SH3KBP1: variants seen among roughly 807,000 people sequenced by gnomAD.
SH3KBP1 encodes SH3 domain-containing kinase-binding protein 1.
In SH3KBP1, 8 loss-of-function variants were observed where a neutral mutation model predicts 50.1. The ratio of observed to expected loss-of-function variants is 0.16; its 90% CI spans 0.09 to 0.29. The LOEUF is 0.29. SH3KBP1 is among the 10% of genes least tolerant of loss of function. The pLI is 1.00. For synonymous variants in SH3KBP1, 227 were observed against 218.6 expected (o/e 1.04, Z -0.34); for missense variants, 377 against 535.2 (o/e 0.70, Z 2.92).
chrX:19,656,881 T>A (rs1313501931), intron 6 of SH3KBP1, among the ~76,000 whole-genome samples: 3 of 112,229 alleles, frequency 2.7e-5, no homozygotes, highest in African/African-American at 9.7e-5. Flanking sequence ...AAAAGCATCT[T>A]TCTAATCTGA....
At chrX:19,844,673 T>A (rs754720936) in intron 1 of SH3KBP1, among the ~76,000 whole-genome samples, 44 of 111,918 alleles carry the variant, frequency 3.9e-4, no homozygotes, top group East Asian at 2.0e-3. Context: ...TTCTGAAGCC[T>A]CTGCCTCACC....
intron 1 of SH3KBP1, among the ~76,000 whole-genome samples, chrX:19,866,181 C>T (rs1166328683): frequency 9.0e-6 from 1 of 111,492 alleles, no homozygotes; most frequent in Non-Finnish European, 1.9e-5. Context: ...ACCCAGGGCA[C>T]CCAAATGTGC....
intron 1 of SH3KBP1, among the ~76,000 whole-genome samples, chrX:19,870,120 G>A (rs1214889847): frequency 8.9e-6 from 1 of 112,187 alleles, no homozygotes; most frequent in Non-Finnish European, 1.9e-5. Flanking sequence ...AGTCTCTGCA[G>A]TTTCGGTCCC....
At chrX:19,701,846 A>C (rs1053518291) in intron 4 of SH3KBP1, among the ~76,000 whole-genome samples, 5 of 112,303 alleles carry the variant, frequency 4.5e-5, no homozygotes, top group African/African-American at 1.6e-4. Flanking sequence ...GCACTGAAAT[A>C]TTTGATAAAT....
chrX:19,747,739 G>A lies in SH3KBP1; in HGVS notation c.163-1298C>T, dbSNP rs758254735. The A allele has an allele frequency of 5.1e-5, 17 of 336,553 alleles. 1 individual carries two copies. Among genetic ancestry groups the A allele is most frequent in the African/African-American group, 8.0e-5 (3 of 37,685 alleles). The allele number at this position is 336,553 out of a possible 1,213,427, so 27.7% of individuals were successfully genotyped here. ...CTTCCTCCCTCACCAGGGCCCCACC[G>A]GAAACCAACAACTGGGGCTGGCGCT... On this transcript the variant is annotated intron_variant, in intron 2 of 17. Coordinates refer to ENST00000397821, the MANE Select transcript of SH3KBP1 (RefSeq NM_031892.3).
chrX:19,538,775 C>T (rs1215452638), intron 16 of SH3KBP1, among the ~76,000 whole-genome samples: 3 of 109,223 alleles, frequency 2.7e-5, no homozygotes, highest in African/African-American at 6.7e-5. Flanking sequence ...TTAGTAGAGA[C>T]GGGGTTTCAC....
At chrX:19,687,620 A>G (rs2063194876) in intron 5 of SH3KBP1, 1 of 1,203,471 alleles carries the variant, frequency 8.3e-7, no homozygotes, top group African/African-American at 1.7e-5. Context: ...CACTCACTGT[A>G]ATAGCGTCTG....
At chrX:19,598,926 G>A (rs2066993465) in intron 9 of SH3KBP1, among the ~76,000 whole-genome samples, 1 of 112,271 alleles carries the variant, frequency 8.9e-6, no homozygotes, top group South Asian at 3.7e-4. Flanking sequence ...GTGAGCACAT[G>A]CTATTGGGAA....
At chrX:19,553,310 T>C (rs1227943867) in intron 13 of SH3KBP1, among the ~76,000 whole-genome samples, 1 of 111,410 alleles carries the variant, frequency 9.0e-6, no homozygotes, top group African/African-American at 3.3e-5. Context: ...CCGACCCTCC[T>C]GGGCCCACTG....
At chrX:19,868,141 C>T (rs780836896) in intron 1 of SH3KBP1, among the ~76,000 whole-genome samples, 7 of 112,146 alleles carry the variant, frequency 6.2e-5, no homozygotes, top group East Asian at 2.8e-4. Context: ...GCTCTGGCCA[C>T]GATGTGCTAG....
chrX:19,645,100 A>C (rs2061960274), intron 7 of SH3KBP1, among the ~76,000 whole-genome samples: 1 of 112,091 alleles, frequency 8.9e-6, no homozygotes, highest in African/African-American at 3.2e-5. Flanking sequence ...CAGCCACCTT[A>C]ACTGTGCAAA....
intron 3 of SH3KBP1, among the ~76,000 whole-genome samples, chrX:19,709,701 G>A (rs965755240): frequency 1.4e-4 from 16 of 111,899 alleles, no homozygotes; most frequent in Non-Finnish European, 2.8e-4. Flanking sequence ...TGCTTTTCGA[G>A]GCCTCAACTA....
At chrX:19,623,319 T>A (rs1234471114) in intron 8 of SH3KBP1, among the ~76,000 whole-genome samples, 1 of 112,230 alleles carries the variant, frequency 8.9e-6, no homozygotes, top group African/African-American at 3.2e-5. Flanking sequence ...TTTTTCTTTG[T>A]ATTTATTTGT....
chrX:19,784,376 T>C (rs1431758864), intron 2 of SH3KBP1, among the ~76,000 whole-genome samples: 1 of 111,582 alleles, frequency 9.0e-6, no homozygotes, highest in East Asian at 2.8e-4. Context: ...TTTTAGATGG[T>C]AGCTTTTTTA....
rs2064655828 is a variant in SH3KBP1, at chrX:19,534,212, C to A, written c.*2205G>T. 1 of 109,095 alleles carries A rather than the reference C, an allele frequency of 9.2e-6. No individual in the cohort carries two copies. The highest frequency in any genetic ancestry group is 3.3e-5 in the African/African-American group (1 of 30,001). 9.0% of individuals were successfully genotyped at this position (109,095 alleles called of 1,213,427 possible). A position where few individuals can be genotyped will look rare whatever the true frequency, so the allele number is the denominator to read the frequency against. The stretch of plus-strand genomic sequence containing the variant: ...GATGGTGGCAGTTTGGGTAGCGGCT[C>A]GTCCAGTTCCTTGATGCAGAATCCT... On this transcript the variant is annotated 3_prime_UTR_variant, in exon 18 of 18. Transcript: ENST00000397821.
In SH3KBP1 at chrX:19,587,209, C is replaced by T. The variant is rs1347189464; in HGVS notation, c.1298+1434G>A. On this transcript the variant is annotated intron_variant, in intron 12 of 17. Transcript: ENST00000397821. ...TGCACTCCAGCCAGGGCAACAAGAG[C>T]GAAACTCTGCCTCAAAAAAAAAAAA... 4.2e-5 allele frequency among the ~76,000 whole-genome samples: 4 copies of T among 94,200 alleles called. No individual in the cohort carries two copies. In the East Asian group the frequency reaches 9.6e-4, roughly 23 times the overall value. The allele number at this position is 94,200 out of a possible 115,157, so 81.8% of individuals were successfully genotyped here.
intron 1 of SH3KBP1, among the ~76,000 whole-genome samples, chrX:19,869,901 T>C (rs2068994649): frequency 8.9e-6 from 1 of 112,403 alleles, no homozygotes; most frequent in East Asian, 2.8e-4. Context: ...CTCCTTGCTA[T>C]GCACATTTAA....
At chrX:19,642,425 G>A (rs999326210) in intron 7 of SH3KBP1, among the ~76,000 whole-genome samples, 10 of 112,041 alleles carry the variant, frequency 8.9e-5, no homozygotes, top group Non-Finnish European at 1.9e-5. Context: ...TGTCCAGTTA[G>A]GAAGTGAGAT....
chrX:19,811,311 T>G (rs777193706), intron 2 of SH3KBP1, among the ~76,000 whole-genome samples: 1 of 112,298 alleles, frequency 8.9e-6, no homozygotes, highest in Non-Finnish European at 1.9e-5. Context: ...GGTCCCGATA[T>G]TACAATATGA....
Sources: allele counts gnomAD v4.1 joint callset (sites outside exome capture counted in the v4.1 genomes callset), GRCh38; gene constraint gnomAD v4.1.1; transcripts MANE v1.5; gene names NCBI Gene and HGNC (gene_info 2026-07-23, HGNC 2026-07-21).